The following CCSER1 variants were observed in gnomAD, a reference collection of about 807,000 sequenced individuals.
CCSER1 encodes the protein coiled-coil serine rich protein 1.
CCSER1 carries 41 observed loss-of-function variants against 82.0 expected under a neutral mutation model. The ratio of observed to expected loss-of-function variants is 0.50; its 90% CI spans 0.39 to 0.65. The LOEUF (loss-of-function observed/expected upper bound fraction) is 0.65, where lower values mean the gene tolerates loss of function less well. CCSER1 is among the 30% of genes least tolerant of loss of function. The pLI, the probability that CCSER1 is intolerant of heterozygous loss-of-function variation, is 0.00. For missense variants in CCSER1, 1,119 were observed against 1,064.2 expected (o/e 1.05, Z -0.72); for synonymous variants, 414 against 383.9 (o/e 1.08, Z -0.92).
intron 9 of CCSER1, among the ~76,000 whole-genome samples, chr4:91,061,168 C>T (rs1032793511): frequency 1.3e-5 from 2 of 151,232 alleles, no homozygotes; most frequent in African/African-American, 2.4e-5. Flanking sequence ...TCATTAGTAT[C>T]GATAATAAGC....
At chr4:91,543,322 G>A (rs535641193) in intron 10 of CCSER1, among the ~76,000 whole-genome samples, 2 of 152,284 alleles carry the variant, frequency 1.3e-5, no homozygotes, top group South Asian at 4.1e-4. Flanking sequence ...ATATTGTTAT[G>A]TGTGAATTTG....
intron 9 of CCSER1, among the ~76,000 whole-genome samples, chr4:91,083,420 C>T (rs1480474222): frequency 4.7e-5 from 7 of 150,400 alleles, no homozygotes; most frequent in Admixed American, 1.3e-4. Flanking sequence ...GGGGGGTTGG[C>T]GGGGGGAAGG....
intron 10 of CCSER1, among the ~76,000 whole-genome samples, chr4:91,241,453 G>C (rs546877832): frequency 7.3e-4 from 108 of 147,274 alleles, no homozygotes; most frequent in Admixed American, 5.5e-3. Flanking sequence ...AGCCTCCCGA[G>C]TAGCTGGGAC....
chr4:90,665,194 G>A (rs2149114624), intron 6 of CCSER1, among the ~76,000 whole-genome samples: 1 of 152,144 alleles, frequency 6.6e-6, no homozygotes, highest in South Asian at 2.1e-4. Flanking sequence ...TAACAGAAGA[G>A]CAGGGAAGAA....
intron 10 of CCSER1, among the ~76,000 whole-genome samples, chr4:91,259,674 G>A (rs1461854328): frequency 1.4e-5 from 2 of 145,684 alleles, no homozygotes; most frequent in African/African-American, 5.1e-5. Flanking sequence ...TCCCACTTAT[G>A]AGTGAGAACA....
chr4:90,630,868 GATTATTATTATTATT>G (rs71596533), intron 6 of CCSER1, among the ~76,000 whole-genome samples: 3,330 of 143,308 alleles, frequency 0.023, 55 homozygotes, highest in South Asian at 0.036. Context: ...TTTGTTCACA[GATTATTATTATTATT>G]ATTATTATTA....
chr4:90,470,050 A>C (rs1392974611), intron 5 of CCSER1, among the ~76,000 whole-genome samples: 1 of 152,176 alleles, frequency 6.6e-6, no homozygotes, highest in East Asian at 1.9e-4. Flanking sequence ...GTCTGTTGTA[A>C]ATATGTCTGA....
intron 10 of CCSER1, among the ~76,000 whole-genome samples, chr4:91,557,809 C>T (rs1465158071): frequency 6.6e-6 from 1 of 151,308 alleles, no homozygotes. Context: ...CAGTCATTGA[C>T]AGTTGTTATA....
intron 5 of CCSER1, among the ~76,000 whole-genome samples, chr4:90,506,494 G>A (rs1224154948): frequency 6.6e-6 from 1 of 152,114 alleles, no homozygotes; most frequent in Admixed American, 6.5e-5. Flanking sequence ...CGGGCATGGT[G>A]GCTCACGCCT....
chr4:90,187,519 A>G (rs1005539963), intron 1 of CCSER1, among the ~76,000 whole-genome samples: 1 of 151,760 alleles, frequency 6.6e-6, no homozygotes, highest in Non-Finnish European at 1.5e-5. Context: ...GACATTCTCT[A>G]ATTGGCTGCT....
intron 5 of CCSER1, among the ~76,000 whole-genome samples, chr4:90,578,503 C>T (rs1781021460): frequency 6.6e-6 from 1 of 152,020 alleles, no homozygotes; most frequent in Non-Finnish European, 1.5e-5. Flanking sequence ...TCAGAGTTAC[C>T]ACAAAGAATA....
chr4:91,450,754 C>A (rs140627919), intron 10 of CCSER1, among the ~76,000 whole-genome samples: 1 of 151,940 alleles, frequency 6.6e-6, no homozygotes, highest in East Asian at 1.9e-4. Context: ...GACTTCACTC[C>A]GGTCTTCAGT....
chr4:90,610,260 T>A (rs1185146596), intron 5 of CCSER1, among the ~76,000 whole-genome samples: 2 of 94,168 alleles, frequency 2.1e-5, no homozygotes, highest in Admixed American at 1.9e-4. Flanking sequence ...CTCAAATAAA[T>A]AAATAAATAA....
intron 10 of CCSER1, among the ~76,000 whole-genome samples, chr4:91,088,010 C>T (rs1176901040): frequency 6.6e-6 from 1 of 151,996 alleles, no homozygotes. Flanking sequence ...TGTTAAGGAC[C>T]TTGTGATCTC....
chr4:91,321,264 G>C (rs1212128685), intron 10 of CCSER1, among the ~76,000 whole-genome samples: 1 of 152,180 alleles, frequency 6.6e-6, no homozygotes, highest in East Asian at 1.9e-4. Context: ...TCTGATATCT[G>C]TTTTGGTGAA....
At chr4:91,195,154 T>C (rs894018680) in intron 10 of CCSER1, among the ~76,000 whole-genome samples, 4 of 152,224 alleles carry the variant, frequency 2.6e-5, no homozygotes, top group Non-Finnish European at 4.4e-5. Flanking sequence ...TGCTGAGAGC[T>C]AGTAACACTT....
intron 10 of CCSER1, among the ~76,000 whole-genome samples, chr4:91,351,187 C>T (rs182395474): frequency 5.9e-5 from 9 of 152,052 alleles, no homozygotes; most frequent in African/African-American, 2.2e-4. Flanking sequence ...ACACTATCTA[C>T]ACATATTACT....
intron 6 of CCSER1, among the ~76,000 whole-genome samples, chr4:90,631,954 A>G (rs1360160879): frequency 6.6e-6 from 1 of 152,180 alleles, no homozygotes; most frequent in African/African-American, 2.4e-5. Context: ...ACATCTCATA[A>G]GGTATATGCA....
At chr4:91,565,442 ATTGATAGT>A (rs1247526223) in intron 10 of CCSER1, among the ~76,000 whole-genome samples, 1 of 152,044 alleles carries the variant, frequency 6.6e-6, no homozygotes, top group Non-Finnish European at 1.5e-5. Context: ...GAAGAATATC[ATTGATAGT>A]TTGATAAGAA....
Sources: gnomAD v4.1 joint callset for allele counts (sites outside exome capture counted in the v4.1 genomes callset) on GRCh38, gnomAD v4.1.1 for gene constraint, MANE v1.5 for transcripts, NCBI Gene and HGNC (gene_info 2026-07-23, HGNC 2026-07-21) for gene names.